TRPC6: variants seen among roughly 807,000 people sequenced by gnomAD.
TRPC6 encodes the protein short transient receptor potential channel 6.
A neutral mutation model predicts 90.7 loss-of-function variants in TRPC6; 55 were observed. The ratio of observed to expected loss-of-function variants is 0.61; its 90% CI spans 0.49 to 0.76. The LOEUF (loss-of-function observed/expected upper bound fraction) is 0.76. Among genes scored for constraint, TRPC6 ranks in the 30% least tolerant of loss-of-function variants. The probability of loss-of-function intolerance (pLI) is 0.00; values close to 1 mark genes in which losing one functional copy is unlikely to be tolerated. For missense variants in TRPC6, 989 were observed against 1,122.7 expected (o/e 0.88, Z 1.70); for synonymous variants, 393 against 393.0 (o/e 1.00, Z 0.00).
At chr11:101,578,510 ACT>A (rs1010802161) in intron 1 of TRPC6, among the ~76,000 whole-genome samples, 1 of 152,144 alleles carries the variant, frequency 6.6e-6, no homozygotes, top group Non-Finnish European at 1.5e-5. Flanking sequence ...GGGAATTCAA[ACT>A]CTGGATCTTA....
intron 1 of TRPC6, among the ~76,000 whole-genome samples, chr11:101,515,948 G>T (rs1192905318): frequency 6.6e-6 from 1 of 151,954 alleles, no homozygotes; most frequent in African/African-American, 2.4e-5. Context: ...TAACTTTATA[G>T]GTGTTATTTT....
At chr11:101,491,893 T>G (rs965449903) in intron 2 of TRPC6, among the ~76,000 whole-genome samples, 155 bp from the exon 3 acceptor site, 2 of 134,678 alleles carry the variant, frequency 1.5e-5, no homozygotes, top group African/African-American at 5.7e-5. Flanking sequence ...CAGGCTGGAG[T>G]GCAGTGGCAC....
intron 1 of TRPC6, among the ~76,000 whole-genome samples, chr11:101,580,262 A>C (rs1862164900): frequency 6.6e-6 from 1 of 152,170 alleles, no homozygotes; most frequent in Non-Finnish European, 1.5e-5. Flanking sequence ...AGCAGTGATG[A>C]ACTGTAAACA....
intron 2 of TRPC6, among the ~76,000 whole-genome samples, chr11:101,502,401 A>G (rs1860151259): frequency 6.6e-6 from 1 of 152,152 alleles, no homozygotes. Flanking sequence ...CTACCTCGCC[A>G]TCCTCATCCT....
chr11:101,528,568 G>A lies in TRPC6; in HGVS notation c.171-23770C>T, dbSNP rs115521467. Among the ~76,000 whole-genome samples, 1,349 of 152,256 alleles carry A rather than the reference G, an allele frequency of 8.9e-3. 28 individuals carry two copies. The highest frequency in any genetic ancestry group is 0.03 in the African/African-American group (1,267 of 41,556). On this transcript the variant is annotated intron_variant, in intron 1 of 12. Transcript: ENST00000344327. ...CATTATATAGAGTTGCACATAATATGCACTCAATAAATGTGTATATTACTA... is the reference window on the plus strand; with the variant it reads ...CATTATATAGAGTTGCACATAATATACACTCAATAAATGTGTATATTACTA...
intron 1 of TRPC6, among the ~76,000 whole-genome samples, chr11:101,511,000 A>C (rs1860381906): frequency 6.6e-6 from 1 of 152,212 alleles, no homozygotes; most frequent in Admixed American, 6.5e-5. Context: ...TGTAAATGGA[A>C]TGTAACTATT....
At chr11:101,480,325 T>C (rs1210108315) in intron 5 of TRPC6, among the ~76,000 whole-genome samples, 2 of 152,102 alleles carry the variant, frequency 1.3e-5, no homozygotes, top group Non-Finnish European at 2.9e-5. Flanking sequence ...ATTCCTCCAG[T>C]TCCAGGCGTG....
At chr11:101,514,006 C>A (rs10895128) in intron 1 of TRPC6, among the ~76,000 whole-genome samples, 1 of 151,962 alleles carries the variant, frequency 6.6e-6, no homozygotes, top group Admixed American at 6.5e-5. Flanking sequence ...CTATGTGTAA[C>A]AGAGTACATG....
chr11:101,531,316 G>T (rs936145483), intron 1 of TRPC6, among the ~76,000 whole-genome samples: 1 of 152,208 alleles, frequency 6.6e-6, no homozygotes, highest in African/African-American at 2.4e-5. Context: ...CAAGTGGGAA[G>T]ACTGAAGAAC....
chr11:101,559,520 T>A (rs1012724623), intron 1 of TRPC6, among the ~76,000 whole-genome samples: 2 of 88,376 alleles, frequency 2.3e-5, no homozygotes, highest in Non-Finnish European at 4.5e-5. Flanking sequence ...AAAAGTTAAC[T>A]TTTTTTCATA....
intron 1 of TRPC6, among the ~76,000 whole-genome samples, chr11:101,562,783 T>A (rs1591139879): frequency 1.3e-5 from 2 of 152,306 alleles, no homozygotes; most frequent in East Asian, 3.9e-4. Flanking sequence ...GGATCCAGAC[T>A]GCTTGAGTTT....
intron 1 of TRPC6, among the ~76,000 whole-genome samples, chr11:101,573,245 T>A (rs1355895782): frequency 6.6e-6 from 1 of 152,102 alleles, no homozygotes; most frequent in Non-Finnish European, 1.5e-5. Context: ...CAGATGCGAG[T>A]CATTTTTTTA....
intron 10 of TRPC6, among the ~76,000 whole-genome samples, chr11:101,465,390 T>C (rs1472833561): frequency 2.0e-5 from 3 of 152,218 alleles, no homozygotes. Flanking sequence ...GTCTTCCTAT[T>C]TGGTTCCATT....
intron 9 of TRPC6, among the ~76,000 whole-genome samples, chr11:101,470,375 G>A (rs1227365613): frequency 6.6e-6 from 1 of 152,050 alleles, no homozygotes; most frequent in Non-Finnish European, 1.5e-5. Context: ...TCCTTTTTCA[G>A]AAGAAACAGC....
chr11:101,524,394 G>C (rs1286541654), intron 1 of TRPC6, among the ~76,000 whole-genome samples: 1 of 152,028 alleles, frequency 6.6e-6, no homozygotes, highest in South Asian at 2.1e-4. Context: ...GACTACAGGC[G>C]CCTGCCACCA....
At chr11:101,511,809 T>G (rs1447213208) in intron 1 of TRPC6, among the ~76,000 whole-genome samples, 2 of 151,932 alleles carry the variant, frequency 1.3e-5, no homozygotes, top group East Asian at 3.9e-4. Context: ...CTGGCCAACA[T>G]GGTGAAACCC....
At chr11:101,544,367 A>G (rs1483657332) in intron 1 of TRPC6, among the ~76,000 whole-genome samples, 1 of 152,202 alleles carries the variant, frequency 6.6e-6, no homozygotes, top group African/African-American at 2.4e-5. Context: ...TGACTCAGCA[A>G]TCCCATTACT....
In TRPC6 at chr11:101,583,264, C is replaced by T. The variant is rs17096918; in HGVS notation, c.170+70G>A. ...CAGGACGCGCGCGGACGGACTCGGC[C>T]ACTCCTGCGAGCGCACAACCTCCCT... On this transcript the variant is annotated intron_variant, in intron 1 of 12. Coordinates refer to ENST00000344327, the MANE Select transcript of TRPC6 (RefSeq NM_004621.6). The T allele has an allele frequency of 0.1, 151,471 of 1,515,402 alleles. 12,126 individuals are homozygous for T. Among genetic ancestry groups the T allele is most frequent in the East Asian group, 0.44 (17,773 of 40,256 alleles). The allele number at this position is 1,515,402 out of a possible 1,614,324, so 93.9% of individuals were successfully genotyped here.
intron 1 of TRPC6, among the ~76,000 whole-genome samples, chr11:101,580,467 CTA>C (rs1390463892): frequency 1.3e-5 from 2 of 152,096 alleles, no homozygotes; most frequent in Non-Finnish European, 2.9e-5. Context: ...ACTATTTTAA[CTA>C]TTAAGGCCTT....
Sources: gnomAD v4.1 joint callset for allele counts (sites outside exome capture counted in the v4.1 genomes callset) on GRCh38, gnomAD v4.1.1 for gene constraint, MANE v1.5 for transcripts, NCBI Gene and HGNC (gene_info 2026-07-23, HGNC 2026-07-21) for gene names.